The following DPPA3 variants were observed in gnomAD, a reference collection of about 807,000 sequenced individuals.
DPPA3 encodes developmental pluripotency-associated protein 3.
DPPA3 carries 9 observed loss-of-function variants against 15.6 expected under a neutral mutation model. The observed-to-expected ratio is 0.58, with a 90% CI of 0.35 to 1.01. The LOEUF (loss-of-function observed/expected upper bound fraction) is 1.01, where lower values mean the gene tolerates loss of function less well. Ranked by LOEUF, DPPA3 falls within the 50% of genes least tolerant of loss-of-function variation. The pLI, the probability that DPPA3 is intolerant of heterozygous loss-of-function variation, is 0.02. For missense variants in DPPA3, 148 were observed against 194.6 expected (o/e 0.76, Z 1.42); for synonymous variants, 61 against 70.9 (o/e 0.86, Z 0.70).
At chr12:7,714,145 G>C (rs777808303) in intron 1 of DPPA3, among the ~76,000 whole-genome samples, 36 of 151,302 alleles carry the variant, frequency 2.4e-4, no homozygotes, top group Middle Eastern at 3.5e-3. Flanking sequence ...CAGGAGAATG[G>C]CGTGAACCCG....
intron 3 of DPPA3, 130 bp downstream of exon 3, chr12:7,716,369 G>C: frequency 1.5e-6 from 1 of 678,490 alleles, no homozygotes; most frequent in Non-Finnish European, 2.5e-6. Flanking sequence ...GAATCCCCAG[G>C]GACTCTGGAT....
At position 7,715,366 on chromosome 12, in the gene DPPA3, T is replaced by A; in HGVS notation, c.266T>A (p.Leu89Gln). The A allele has an allele frequency of 1.2e-6, 2 of 1,614,154 alleles. No individual in the cohort carries two copies. Among genetic ancestry groups the A allele is most frequent in the Non-Finnish European group, 1.7e-6 (2 of 1,180,018 alleles). The change falls in exon 2 of 4, where the codon CTG becomes CAG. Residue 89 changes from leucine (L) to glutamine (Q), a missense_variant. Physicochemically the swap from Leu to Gln is moderately radical, Grantham distance 113. Coordinates refer to ENST00000345088, the MANE Select transcript of DPPA3 (RefSeq NM_199286.4). ...LYSRRGVRTL[L>Q]SVQREKMARL... ...AGCAGGAGAGGAGTAAGAACATTGC[T>A]GTCTGTGCAGAGAGAAAAGATGGCA...
At chr12:7,713,048 T>C (rs1864361556) in intron 1 of DPPA3, among the ~76,000 whole-genome samples, 1 of 152,236 alleles carries the variant, frequency 6.6e-6, no homozygotes, top group African/African-American at 2.4e-5. Context: ...TTCTGCTCCC[T>C]GATAGGCCGG....
chr12:7,716,975 A>T lies in DPPA3; in HGVS notation c.378A>T (p.Ser126=), dbSNP rs367743953. The part of the protein sequence containing the change: ...NKEPKGVKKE[S]RPFKCPCSFC... The stretch of plus-strand genomic sequence containing the variant: ...TCATCATTTTTTTTCAGAAGGAATC[A>T]AGACCATTCAAATGTCCCTGCAGTT... The change falls in exon 4 of 4, where the codon TCA becomes TCT. Residue 126 remains serine, a synonymous_variant. Transcript: ENST00000345088. The T allele has an allele frequency of 1.2e-6, 2 of 1,612,710 alleles. No individual in the cohort carries two copies. The highest frequency in any genetic ancestry group is 8.5e-7 in the Non-Finnish European group (1 of 1,178,914).
In DPPA3 at chr12:7,715,321, T is replaced by A. The variant is rs972861232; in HGVS notation, c.221T>A (p.Ile74Asn). 9.9e-6 allele frequency: 16 copies of A among 1,613,880 alleles called. No individual in the cohort carries two copies. Among genetic ancestry groups the A allele is most frequent in the Non-Finnish European group, 4.2e-6 (5 of 1,180,002 alleles). The change falls in exon 2 of 4, where the codon ATC becomes AAC. Residue 74 changes from isoleucine to asparagine, a missense_variant. Transcript: ENST00000345088. The part of the protein sequence containing the change: ...ESVGAAVLRE[I>N]EDEWLYSRRG... Reference sequence around the variant, plus strand: ...GTAGGAGCAGCAGTCCTCAGGGAAATCGAAGATGAGTGGCTTTACAGCAGG... The same window carrying A: ...GTAGGAGCAGCAGTCCTCAGGGAAAACGAAGATGAGTGGCTTTACAGCAGG...
chr12:7,715,860 TCA>T (rs1433336501), intron 2 of DPPA3, among the ~76,000 whole-genome samples: 2 of 152,102 alleles, frequency 1.3e-5, no homozygotes, highest in Admixed American at 1.3e-4. Flanking sequence ...GGTGGGAGGA[TCA>T]CCTGAGCTCA....
intron 1 of DPPA3, 68 bp downstream of exon 1, chr12:7,711,720 CTTTTTTTTTTTTTTTTT>C (rs3069565): frequency 1.0e-4 from 35 of 340,626 alleles, no homozygotes; most frequent in East Asian, 2.4e-4. Flanking sequence ...AGGCTGCCGT[CTTTTTTTTTTTTTTTTT>C]TTTTTTTTTT....
chr12:7,712,992 C>G (rs761542662), intron 1 of DPPA3, among the ~76,000 whole-genome samples: 1 of 152,206 alleles, frequency 6.6e-6, no homozygotes, highest in Non-Finnish European at 1.5e-5. Flanking sequence ...AAATTAGTAG[C>G]AGGACCTCCA....
intron 3 of DPPA3, 30 bp downstream of exon 3, chr12:7,716,269 C>CTTTTTT: frequency 2.0e-5 from 26 of 1,308,860 alleles, no homozygotes; most frequent in Non-Finnish European, 2.5e-5. Context: ...TTTTATTTTC[C>CTTTTTT]TTTTTTTTTT....
At chr12:7,715,475 A>C in intron 2 of DPPA3, 48 bp downstream of exon 2, 1 of 1,612,614 alleles carries the variant, frequency 6.2e-7, no homozygotes, top group Non-Finnish European at 8.5e-7. Context: ...GGAGAGTGAC[A>C]CTCATAAATT....
intron 1 of DPPA3, among the ~76,000 whole-genome samples, chr12:7,713,012 G>A (rs77977157): frequency 1.3e-5 from 2 of 152,220 alleles, no homozygotes; most frequent in African/African-American, 4.8e-5. Flanking sequence ...ACCGGAGGGC[G>A]GCTTATCTAG....
intron 1 of DPPA3, among the ~76,000 whole-genome samples, chr12:7,714,275 TC>T (rs78179561): frequency 0.31 from 47,473 of 151,800 alleles, 8,381 homozygotes; most frequent in Admixed American, 0.45. Context: ...ATTACAGTCA[TC>T]CCTCGGTTAT....
rs751431749 is a variant in DPPA3, at chr12:7,714,146, C to G, written c.83-1037C>G. ...TCGGGAGGCTGAGGCAGGAGAATGG[C>G]GTGAACCCGGGAGGCGGAGCTTGCA... On this transcript the variant is annotated intron_variant, in intron 1 of 3. Transcript: ENST00000345088. 5.3e-5 allele frequency among the ~76,000 whole-genome samples: 8 copies of G among 152,142 alleles called. No individual in the cohort carries two copies. In the South Asian group the frequency reaches 1.7e-3, roughly 32 times the overall value.
At chr12:7,712,599 A>C (rs1443594283) in intron 1 of DPPA3, among the ~76,000 whole-genome samples, 7 of 152,074 alleles carry the variant, frequency 4.6e-5, no homozygotes, top group Non-Finnish European at 8.8e-5. Flanking sequence ...GGCATGTGCC[A>C]CCACGCCCGG....
chr12:7,716,621 A>C (rs189563815), intron 3 of DPPA3, among the ~76,000 whole-genome samples: 17 of 152,206 alleles, frequency 1.1e-4, no homozygotes, highest in Non-Finnish European at 1.6e-4. Context: ...GTGCTGTCAC[A>C]AATATCTTCA....
At chr12:7,712,721 C>T (rs1758498246) in intron 1 of DPPA3, among the ~76,000 whole-genome samples, 2 of 152,206 alleles carry the variant, frequency 1.3e-5, no homozygotes, top group South Asian at 2.1e-4. Context: ...GCTGGGATTA[C>T]AGGCGTAAGC....
At chr12:7,716,269 C>CATT in intron 3 of DPPA3, 30 bp downstream of exon 3, 2 of 1,309,006 alleles carry the variant, frequency 1.5e-6, no homozygotes, top group Non-Finnish European at 2.1e-6. Context: ...TTTTATTTTC[C>CATT]TTTTTTTTTT....
chr12:7,713,212 C>T (rs1864364130), intron 1 of DPPA3, among the ~76,000 whole-genome samples: 1 of 152,218 alleles, frequency 6.6e-6, no homozygotes, highest in Admixed American at 6.5e-5. Flanking sequence ...CCAACACCTT[C>T]GACTGCCCGA....
rs147782600 is a variant in DPPA3 at position 7,713,494 on chromosome 12, C to CA, written c.83-1683dup. Among the ~76,000 whole-genome samples, 1,356 of 152,092 alleles carry CA rather than the reference C, an allele frequency of 8.9e-3. 25 individuals are homozygous for CA. Among genetic ancestry groups the CA allele is most frequent in the African/African-American group, 0.031 (1,290 of 41,490 alleles). On this transcript the variant is annotated intron_variant, in intron 1 of 3. Coordinates refer to ENST00000345088, the MANE Select transcript of DPPA3 (RefSeq NM_199286.4). ...GTTTAATACTTTCACATATAGGGGG[C>CA]AAAAAACAAAACAAAACACACATAC...
Sources: allele counts gnomAD v4.1 joint callset (sites outside exome capture counted in the v4.1 genomes callset), GRCh38; gene constraint gnomAD v4.1.1; transcripts MANE v1.5; gene names NCBI Gene and HGNC (gene_info 2026-07-23, HGNC 2026-07-21).